Variants in EVI5 observed in about 807,000 individuals in gnomAD.
The protein encoded by EVI5 is ecotropic viral integration site 5, also known as ecotropic viral integration site 5 protein homolog.
EVI5 carries 73 observed loss-of-function variants against 112.0 expected under a neutral mutation model. The observed-to-expected ratio is 0.65, with a 90% CI of 0.54 to 0.79. The LOEUF is 0.79. Among genes scored for constraint, EVI5 ranks in the 30% least tolerant of loss-of-function variants. The pLI, the probability that EVI5 is intolerant of heterozygous loss-of-function variation, is 0.00. For missense variants in EVI5, 900 were observed against 968.8 expected (o/e 0.93, Z 0.94); for synonymous variants, 305 against 319.9 (o/e 0.95, Z 0.50).
chr1:92,605,634 AG>A (rs1252654139), intron 17 of EVI5, among the ~76,000 whole-genome samples: 1 of 152,226 alleles, frequency 6.6e-6, no homozygotes, highest in African/African-American at 2.4e-5. Flanking sequence ...ATTCAAATTA[AG>A]TTTTGCCTCC....
chr1:92,724,319 G>C (rs1395912012), intron 2 of EVI5, among the ~76,000 whole-genome samples: 1 of 152,000 alleles, frequency 6.6e-6, no homozygotes, highest in Non-Finnish European at 1.5e-5. Flanking sequence ...CCGACACTTA[G>C]GGAAAATAGA....
upstream of EVI5, among the ~76,000 whole-genome samples, chr1:92,786,020 G>C (rs1685598416): frequency 6.6e-6 from 1 of 151,960 alleles, no homozygotes; most frequent in Admixed American, 6.6e-5. Flanking sequence ...GAACCACGGA[G>C]GTGGAGGTTG....
chr1:92,513,284 G>C lies in EVI5; in HGVS notation c.*372C>G, dbSNP rs1051077632. 6.6e-6 allele frequency: 1 copy of C among 151,898 alleles called. No individual in the cohort carries two copies. The highest frequency in any genetic ancestry group is 2.4e-5 in the African/African-American group (1 of 41,270). 9.4% of individuals were successfully genotyped at this position (151,898 alleles called of 1,614,324 possible). ...ATTTGCTCACTGAGCATAAAATATT[G>C]CACAAGAGCAGTTTTGTCTGAAGAA... On this transcript the variant is annotated 3_prime_UTR_variant, in exon 20 of 20. Coordinates refer to ENST00000684568, the MANE Select transcript of EVI5 (RefSeq NM_001350197.2).
chr1:92,593,744 A>G (rs868472597), intron 18 of EVI5, among the ~76,000 whole-genome samples: 9 of 152,256 alleles, frequency 5.9e-5, no homozygotes, highest in Non-Finnish European at 7.4e-5. Flanking sequence ...AAATCAATGT[A>G]CAAAAATCAC....
rs568188241 is a variant in EVI5, at chr1:92,791,687, T to C, written c.51+657A>G. 2.6e-5 allele frequency among the ~76,000 whole-genome samples: 4 copies of C among 152,096 alleles called. No homozygotes were observed. In the South Asian group the frequency reaches 8.3e-4, roughly 32 times the overall value. On this transcript the variant is annotated intron_variant, in intron 1 of 17. Transcript: ENST00000370331. ...TGTGTTTTGATTTCGTGTGAAATTG[T>C]CTAATTAAAGCCAGGTACAAACATT...
rs1000312304 is a variant in EVI5, at chr1:92,509,935, C to T, written c.*3721G>A. The T allele has an allele frequency of 1.3e-5, 2 of 152,068 alleles. No homozygotes were observed. The highest frequency in any genetic ancestry group is 3.9e-4 in the East Asian group (2 of 5,192). The allele number at this position is 152,068 out of a possible 1,614,324, so 9.4% of individuals were successfully genotyped here. A position where few individuals can be genotyped will look rare whatever the true frequency, so the allele number is the denominator to read the frequency against. ...AAAATGTCAGTAATTAAATAAAATTCATCGAGAACATTGTTCAATGCTTCA... is the reference window on the plus strand; with the variant it reads ...AAAATGTCAGTAATTAAATAAAATTTATCGAGAACATTGTTCAATGCTTCA... On this transcript the variant is annotated 3_prime_UTR_variant, in exon 20 of 20. Coordinates refer to ENST00000684568, the MANE Select transcript of EVI5 (RefSeq NM_001350197.2).
chr1:92,785,510 A>G (rs887985874), upstream of EVI5, among the ~76,000 whole-genome samples: 2 of 152,202 alleles, frequency 1.3e-5, no homozygotes, highest in African/African-American at 4.8e-5. Context: ...AGGTGGCCTT[A>G]GGGCACTCGC....
chr1:92,635,783 A>G (rs1213890747), intron 14 of EVI5, among the ~76,000 whole-genome samples: 1 of 152,170 alleles, frequency 6.6e-6, no homozygotes, highest in Admixed American at 6.5e-5. Flanking sequence ...CTATTCAGCT[A>G]TCTTGGCTCC....
intron 2 of EVI5, among the ~76,000 whole-genome samples, chr1:92,727,032 T>C (rs747478358): frequency 2.0e-5 from 3 of 152,190 alleles, no homozygotes; most frequent in Non-Finnish European, 2.9e-5. Context: ...ACAATATTAA[T>C]AATCACCTTA....
intron 2 of EVI5, among the ~76,000 whole-genome samples, chr1:92,735,842 T>TA (rs894823008): frequency 6.9e-6 from 1 of 144,550 alleles, no homozygotes; most frequent in Non-Finnish European, 1.5e-5. Flanking sequence ...TCTATTATAA[T>TA]ATATATTATA....
intron 17 of EVI5, among the ~76,000 whole-genome samples, chr1:92,607,146 C>CTTT (rs1172683347): frequency 6.6e-6 from 1 of 152,120 alleles, no homozygotes; most frequent in Non-Finnish European, 1.5e-5. Context: ...ATACACATTT[C>CTTT]TTTTGCTCTC....
chr1:92,519,944 G>GAGA (rs1198451173), intron 19 of EVI5, among the ~76,000 whole-genome samples: 1 of 146,194 alleles, frequency 6.8e-6, no homozygotes, highest in Non-Finnish European at 1.5e-5. Flanking sequence ...AAAGACACAA[G>GAGA]AGACAATATA....
At chr1:92,733,870 A>G (rs1035491915) in intron 2 of EVI5, among the ~76,000 whole-genome samples, 17 of 152,156 alleles carry the variant, frequency 1.1e-4, no homozygotes, top group African/African-American at 3.9e-4. Context: ...TCAGCTGTTG[A>G]CTGGCTGTAG....
rs1553178852 is a variant in EVI5 at position 92,551,044 on chromosome 1, T to TTC, written c.2166+12597_2166+12598insGA. Reference sequence around the variant, plus strand: ...TTTTCTTTTCTTTCTTTCTTTCTTTTTTTTTTTTTTTTTTTTGAGACTTAG... The same window carrying TTC: ...TTTTCTTTTCTTTCTTTCTTTCTTTTTCTTTTTTTTTTTTTTTTGAGACTTAG... On this transcript the variant is annotated intron_variant, in intron 19 of 19. Coordinates refer to ENST00000684568, the MANE Select transcript of EVI5 (RefSeq NM_001350197.2). 5.7e-3 allele frequency among the ~76,000 whole-genome samples: 555 copies of TTC among 96,718 alleles called. 4 individuals are homozygous for TTC. The highest frequency in any genetic ancestry group is 0.034 in the African/African-American group (531 of 15,742). The allele number at this position is 96,718 out of a possible 152,430, so 63.5% of individuals were successfully genotyped here.
At chr1:92,668,778 C>G (rs992505716) in intron 10 of EVI5, among the ~76,000 whole-genome samples, 1 of 152,156 alleles carries the variant, frequency 6.6e-6, no homozygotes, top group Non-Finnish European at 1.5e-5. Context: ...GTTACTTTTA[C>G]GTTTCAAGTG....
intron 11 of EVI5, among the ~76,000 whole-genome samples, chr1:92,664,300 A>G (rs1173299658): frequency 6.6e-6 from 1 of 152,340 alleles, no homozygotes; most frequent in South Asian, 2.1e-4. Flanking sequence ...CAATTGATAC[A>G]TAGTATTTAT....
intron 1 of EVI5, among the ~76,000 whole-genome samples, chr1:92,746,802 C>T (rs774725640): frequency 6.6e-6 from 1 of 150,800 alleles, no homozygotes; most frequent in African/African-American, 2.4e-5. Flanking sequence ...GATGCTAAGG[C>T]GGGAGGATCA....
At position 92,630,312 on chromosome 1, in the gene EVI5, C is replaced by T. The variant is rs566380018; in HGVS notation, c.1528-4378G>A. 5.8e-3 allele frequency among the ~76,000 whole-genome samples: 885 copies of T among 152,334 alleles called. 8 individuals carry two copies. Among genetic ancestry groups the T allele is most frequent in the African/African-American group, 0.019 (786 of 41,564 alleles). ...GCGTAAAAGTGTTCCTATTTCTCCA[C>T]ATCCTCTCCAGGACCTGTTGTTTCC... On this transcript the variant is annotated intron_variant, in intron 14 of 19. Transcript: ENST00000684568.
chr1:92,590,911 T>C (rs879804018), intron 18 of EVI5, among the ~76,000 whole-genome samples: 1 of 152,170 alleles, frequency 6.6e-6, no homozygotes, highest in African/African-American at 2.4e-5. Context: ...TAACAGCTGA[T>C]CTCTCAGCAG....
Sources: allele counts gnomAD v4.1 joint callset (sites outside exome capture counted in the v4.1 genomes callset), GRCh38; gene constraint gnomAD v4.1.1; transcripts MANE v1.5; gene names NCBI Gene and HGNC (gene_info 2026-07-23, HGNC 2026-07-21).